Variants in CDKAL1 observed in about 807,000 individuals in gnomAD.
CDKAL1 encodes CDKAL1 threonylcarbamoyladenosine tRNA methylthiotransferase, also known as threonylcarbamoyladenosine tRNA methylthiotransferase.
Under a neutral mutation model 68.2 loss-of-function variants are expected in CDKAL1, and 32 were observed. The ratio of observed to expected loss-of-function variants is 0.47; its 90% CI spans 0.35 to 0.63. The LOEUF is 0.63. Among genes scored for constraint, CDKAL1 ranks in the 30% least tolerant of loss-of-function variants. The pLI, the probability that CDKAL1 is intolerant of heterozygous loss-of-function variation, is 0.00. For synonymous variants in CDKAL1, 234 were observed against 244.3 expected (o/e 0.96, Z 0.39); for missense variants, 606 against 696.7 (o/e 0.87, Z 1.47).
intron 5 of CDKAL1, among the ~76,000 whole-genome samples, chr6:20,656,493 T>A (rs908350582): frequency 6.6e-6 from 1 of 151,932 alleles, no homozygotes; most frequent in Non-Finnish European, 1.5e-5. Flanking sequence ...TTTTTTTTTT[T>A]AATGAGAAGC....
chr6:21,125,895 T>C (rs1354245800), intron 13 of CDKAL1, among the ~76,000 whole-genome samples: 2 of 152,158 alleles, frequency 1.3e-5, no homozygotes, highest in Non-Finnish European at 2.9e-5. Flanking sequence ...CCGACCTCAT[T>C]GTGTGTCTCC....
At chr6:21,093,524 G>C (rs950312940) in intron 12 of CDKAL1, among the ~76,000 whole-genome samples, 1 of 152,086 alleles carries the variant, frequency 6.6e-6, no homozygotes, top group Non-Finnish European at 1.5e-5. Context: ...AGAATAGACA[G>C]ATTGAACCAG....
chr6:20,599,387 A>T (rs748336378), intron 4 of CDKAL1: 83 of 454,602 alleles, frequency 1.8e-4, no homozygotes, highest in Middle Eastern at 1.6e-3. Flanking sequence ...GGTTGAGTGT[A>T]CGTTTGCTTC....
Position 21,160,656 on chromosome 6 carries a change from C to CACACACACGTGT in CDKAL1, c.1300-37365_1300-37364insACACACACGTGT, listed in dbSNP as rs1554189726. 5.8e-4 allele frequency among the ~76,000 whole-genome samples: 74 copies of CACACACACGTGT among 127,990 alleles called. 1 individual carries two copies. The highest frequency in any genetic ancestry group is 2.0e-3 in the African/African-American group (69 of 34,846). The allele number at this position is 127,990 out of a possible 152,430, so 84.0% of individuals were successfully genotyped here. A position where few individuals can be genotyped will look rare whatever the true frequency, so the allele number is the denominator to read the frequency against. ...ACACAGACACACACACACACACACA[C>CACACACACGTGT]GTGTGTGTGTGTGTGTGTGTGTCTG... On this transcript the variant is annotated intron_variant, in intron 13 of 15. Transcript: ENST00000274695.
In CDKAL1 at chr6:20,688,368, G is replaced by C. The variant is rs6900217; in HGVS notation, c.371+38991G>C. Among the ~76,000 whole-genome samples, 561 of 151,324 alleles carry C rather than the reference G, an allele frequency of 3.7e-3. 5 individuals are homozygous for C. Among genetic ancestry groups the C allele is most frequent in the African/African-American group, 0.013 (537 of 41,340 alleles). ...GCTTCTAGTATTCTATCACATGTAT[G>C]TTACACCTTTTGTAATCATCTCATT... is the stretch of plus-strand genomic sequence containing the variant. On this transcript the variant is annotated intron_variant, in intron 5 of 15. Coordinates refer to ENST00000274695, the MANE Select transcript of CDKAL1 (RefSeq NM_017774.3).
chr6:21,090,805 C>CTTTTTT (rs67647227), intron 12 of CDKAL1, among the ~76,000 whole-genome samples: 3 of 132,608 alleles, frequency 2.3e-5, no homozygotes, highest in Non-Finnish European at 1.6e-5. Flanking sequence ...TTTCTTTTTT[C>CTTTTTT]TTTTTTTTTT....
intron 5 of CDKAL1, among the ~76,000 whole-genome samples, chr6:20,676,656 G>T (rs1472540247): frequency 6.9e-6 from 1 of 144,462 alleles, no homozygotes; most frequent in African/African-American, 2.5e-5. Flanking sequence ...GACAGAGCGA[G>T]ACTCTGTCTT....
At chr6:20,579,902 A>G (rs1426239560) in intron 4 of CDKAL1, among the ~76,000 whole-genome samples, 1 of 152,206 alleles carries the variant, frequency 6.6e-6, no homozygotes, top group African/African-American at 2.4e-5. Flanking sequence ...TGTTTTTTGT[A>G]GGGGAGGGAA....
At chr6:20,850,891 G>C (rs1029898438) in intron 9 of CDKAL1, among the ~76,000 whole-genome samples, 3 of 152,116 alleles carry the variant, frequency 2.0e-5, no homozygotes, top group Non-Finnish European at 4.4e-5. Flanking sequence ...TGCTGACTAT[G>C]CATTCAGATG....
intron 12 of CDKAL1, among the ~76,000 whole-genome samples, chr6:21,097,256 G>C (rs1773362533): frequency 6.6e-6 from 1 of 152,144 alleles, no homozygotes; most frequent in Non-Finnish European, 1.5e-5. Flanking sequence ...GATTACCTGA[G>C]GTCAGGAGTT....
At chr6:20,664,178 A>C (rs1233783334) in intron 5 of CDKAL1, among the ~76,000 whole-genome samples, 1 of 152,154 alleles carries the variant, frequency 6.6e-6, no homozygotes, top group Non-Finnish European at 1.5e-5. Flanking sequence ...ACTGTCGAGA[A>C]CTACCCAGAT....
At chr6:21,209,108 ATGTG>A (rs1779052845) in intron 15 of CDKAL1, among the ~76,000 whole-genome samples, 2 of 152,156 alleles carry the variant, frequency 1.3e-5, no homozygotes, top group South Asian at 4.1e-4. Context: ...AACCACTACT[ATGTG>A]CTTGGTATTG....
At chr6:21,034,729 C>T (rs1049066293) in intron 11 of CDKAL1, among the ~76,000 whole-genome samples, 1 of 152,134 alleles carries the variant, frequency 6.6e-6, no homozygotes, top group Admixed American at 6.6e-5. Flanking sequence ...TAGTTTAGTA[C>T]CGCTGTTTGT....
At chr6:20,871,000 A>G (rs1294282222) in intron 9 of CDKAL1, among the ~76,000 whole-genome samples, 3 of 152,180 alleles carry the variant, frequency 2.0e-5, no homozygotes, top group Non-Finnish European at 2.9e-5. Flanking sequence ...GTAAGTTGTT[A>G]TATTTACTAA....
At chr6:21,008,800 G>A (rs116249884) in intron 11 of CDKAL1, among the ~76,000 whole-genome samples, 1,799 of 152,232 alleles carry the variant, frequency 0.012, 31 homozygotes, top group African/African-American at 0.041. Flanking sequence ...TGAATGAATG[G>A]CACTTAACTC....
chr6:20,856,983 C>T lies in CDKAL1; in HGVS notation c.742+10805C>T, dbSNP rs116311095. Among the ~76,000 whole-genome samples the T allele has an allele frequency of 3.6e-3, 542 of 152,178 alleles. 4 individuals carry two copies. Among genetic ancestry groups the T allele is most frequent in the African/African-American group, 0.011 (474 of 41,522 alleles). The stretch of plus-strand genomic sequence containing the variant: ...AAAAATTATTAAATTTCTTCTCCTG[C>T]TTGTGTGGATATTAAACTGCAGTAA... On this transcript the variant is annotated intron_variant, in intron 9 of 15. Coordinates refer to ENST00000274695, the MANE Select transcript of CDKAL1 (RefSeq NM_017774.3).
chr6:21,001,348 T>A (rs1462685036), intron 11 of CDKAL1, among the ~76,000 whole-genome samples: 2 of 152,232 alleles, frequency 1.3e-5, no homozygotes, highest in Non-Finnish European at 2.9e-5. Flanking sequence ...CTTTAATTAG[T>A]CATTTATCCT....
intron 4 of CDKAL1, among the ~76,000 whole-genome samples, chr6:20,557,970 CCTT>C (rs1764127380): frequency 1.3e-5 from 2 of 152,096 alleles, no homozygotes; most frequent in African/African-American, 4.8e-5. Context: ...AAACAAACAT[CCTT>C]AACTTGCCAG....
intron 9 of CDKAL1, among the ~76,000 whole-genome samples, chr6:20,913,443 A>G (rs1402422163): frequency 6.6e-6 from 1 of 152,192 alleles, no homozygotes; most frequent in Non-Finnish European, 1.5e-5. Context: ...GGCAGCTCAC[A>G]ACATGGAAAT....
Sources: gnomAD v4.1 joint callset for allele counts (sites outside exome capture counted in the v4.1 genomes callset) on GRCh38, gnomAD v4.1.1 for gene constraint, MANE v1.5 for transcripts, NCBI Gene and HGNC (gene_info 2026-07-23, HGNC 2026-07-21) for gene names.